Variants in WDR7 observed in about 807,000 individuals in gnomAD.
WDR7 encodes the protein WD repeat-containing protein 7.
Under a neutral mutation model 169.4 loss-of-function variants are expected in WDR7, and 46 were observed. That is an observed-to-expected ratio of 0.27 (90% CI 0.21 to 0.35). The LOEUF (loss-of-function observed/expected upper bound fraction) is 0.35. Among genes scored for constraint, WDR7 ranks in the 10% least tolerant of loss-of-function variants. The probability of loss-of-function intolerance (pLI) is 1.00; values close to 1 mark genes in which losing one functional copy is unlikely to be tolerated. For synonymous variants in WDR7, 612 were observed against 666.8 expected, an observed-to-expected ratio of 0.92 and a Z score of 1.27; for missense variants, 1,534 against 1,859.3, an observed-to-expected ratio of 0.83 and a Z score of 3.22.
chr18:56,763,606 A>G (rs1452160573), intron 16 of WDR7, among the ~76,000 whole-genome samples: 6 of 152,184 alleles, frequency 3.9e-5, no homozygotes, highest in Non-Finnish European at 7.3e-5. Context: ...TGCTGGCCTC[A>G]CAGAATGAAT....
chr18:56,972,387 G>A (rs1050142493), intron 26 of WDR7, among the ~76,000 whole-genome samples: 2 of 152,224 alleles, frequency 1.3e-5, no homozygotes, highest in Non-Finnish European at 2.9e-5. Context: ...AGTTTTCACT[G>A]AGCAGAAGTC....
At chr18:56,950,616 A>G (rs1399031344) in intron 25 of WDR7, among the ~76,000 whole-genome samples, 4 of 152,108 alleles carry the variant, frequency 2.6e-5, no homozygotes, top group African/African-American at 7.2e-5. Flanking sequence ...TGCATCTCCC[A>G]TATCCCAAAG....
intron 12 of WDR7, among the ~76,000 whole-genome samples, chr18:56,716,640 C>G (rs1234827732): frequency 6.6e-6 from 1 of 152,044 alleles, no homozygotes; most frequent in Non-Finnish European, 1.5e-5. Context: ...ATACTTATGC[C>G]CAAGATCCAG....
intron 20 of WDR7, among the ~76,000 whole-genome samples, chr18:56,829,268 AT>A (rs200073836): frequency 1.3e-5 from 2 of 150,222 alleles, no homozygotes; most frequent in African/African-American, 2.5e-5. Flanking sequence ...AAAAAAAAAA[AT>A]AATAAACAAA....
chr18:56,829,657 C>A (rs1007816006), intron 20 of WDR7, among the ~76,000 whole-genome samples: 1 of 152,134 alleles, frequency 6.6e-6, no homozygotes, highest in Non-Finnish European at 1.5e-5. Context: ...AAAAGCAGTG[C>A]TGATAAAGTT....
chr18:56,659,252 A>G (rs1161435503), intron 1 of WDR7, among the ~76,000 whole-genome samples: 1 of 152,246 alleles, frequency 6.6e-6, no homozygotes, highest in Non-Finnish European at 1.5e-5. Context: ...ATTATTATAG[A>G]AGAACTAGTT....
At chr18:56,846,888 C>G (rs1294576276) in intron 20 of WDR7, among the ~76,000 whole-genome samples, 1 of 152,118 alleles carries the variant, frequency 6.6e-6, no homozygotes, top group Admixed American at 6.5e-5. Context: ...AATTAGCCAG[C>G]CTTGGGTATT....
At chr18:56,938,808 A>AGTATGT (rs1555714416) in intron 24 of WDR7, 126 bp downstream of exon 24, 126,634 of 658,184 alleles carry the variant, frequency 0.19, 11,935 homozygotes, top group Non-Finnish European at 0.22. Context: ...AGAAAGAATG[A>AGTATGT]GTGTGTGTGT....
At chr18:56,945,205 T>C (rs922691287) in intron 25 of WDR7, among the ~76,000 whole-genome samples, 1 of 152,118 alleles carries the variant, frequency 6.6e-6, no homozygotes, top group African/African-American at 2.4e-5. Flanking sequence ...AAGGCCAACA[T>C]GAGAATAGAA....
intron 27 of WDR7, 142 bp downstream of exon 27, chr18:57,020,991 G>A: frequency 1.5e-6 from 1 of 689,140 alleles, no homozygotes; most frequent in South Asian, 1.9e-5. Flanking sequence ...TGTATTGATT[G>A]CTGATGATGT....
At chr18:56,992,992 T>C (rs928071024) in intron 26 of WDR7, among the ~76,000 whole-genome samples, 2 of 152,194 alleles carry the variant, frequency 1.3e-5, no homozygotes, top group Non-Finnish European at 2.9e-5. Context: ...CTCACTGCTG[T>C]AATAACCTAA....
chr18:56,753,982 G>A (rs955440813), intron 14 of WDR7, among the ~76,000 whole-genome samples: 1 of 151,716 alleles, frequency 6.6e-6, no homozygotes, highest in Non-Finnish European at 1.5e-5. Context: ...AAATTAGATT[G>A]TATATGATTA....
intron 25 of WDR7, among the ~76,000 whole-genome samples, chr18:56,945,068 A>C (rs1023336378): frequency 2.6e-5 from 4 of 152,210 alleles, no homozygotes; most frequent in African/African-American, 9.6e-5. Flanking sequence ...ACATACATAC[A>C]CACATACTTA....
At chr18:56,853,651 C>T (rs2045674403) in intron 20 of WDR7, among the ~76,000 whole-genome samples, 1 of 152,128 alleles carries the variant, frequency 6.6e-6, no homozygotes, top group African/African-American at 2.4e-5. Flanking sequence ...GTTACATTCC[C>T]TGTCTGCTTC....
intron 19 of WDR7, among the ~76,000 whole-genome samples, chr18:56,809,368 A>G (rs1214233300): frequency 6.6e-6 from 1 of 152,092 alleles, no homozygotes; most frequent in African/African-American, 2.4e-5. Context: ...TAAAGTATTC[A>G]GTATTTATTG....
At chr18:56,818,122 T>C (rs2045017086) in intron 20 of WDR7, among the ~76,000 whole-genome samples, 2 of 152,216 alleles carry the variant, frequency 1.3e-5, no homozygotes, top group Admixed American at 6.5e-5. Flanking sequence ...TTTTTTGTTA[T>C]ATTTTAATTC....
intron 20 of WDR7, among the ~76,000 whole-genome samples, chr18:56,857,607 A>G (rs919588169): frequency 1.3e-5 from 2 of 152,198 alleles, no homozygotes; most frequent in South Asian, 2.1e-4. Flanking sequence ...ATACACATAT[A>G]TATTTTGCCA....
chr18:56,988,428 TGTTA>T (rs1283944292), intron 26 of WDR7, among the ~76,000 whole-genome samples: 1 of 152,206 alleles, frequency 6.6e-6, no homozygotes, highest in Non-Finnish European at 1.5e-5. Context: ...TCTATAAAAT[TGTTA>T]GTTCAGGTCT....
At chr18:56,772,710 T>C (rs1443306831) in intron 16 of WDR7, among the ~76,000 whole-genome samples, 3 of 150,976 alleles carry the variant, frequency 2.0e-5, no homozygotes, top group African/African-American at 7.3e-5. Context: ...TATACCTATA[T>C]AATAGAAAAA....
Sources: allele counts gnomAD v4.1 joint callset (sites outside exome capture counted in the v4.1 genomes callset), GRCh38; gene constraint gnomAD v4.1.1; transcripts MANE v1.5; gene names NCBI Gene and HGNC (gene_info 2026-07-23, HGNC 2026-07-21).